The following STON2 variants were observed in gnomAD, a reference collection of about 807,000 sequenced individuals.
STON2 encodes stonin 2, also known as stonin-2.
STON2 carries 29 observed loss-of-function variants against 65.7 expected under a neutral mutation model. The ratio of observed to expected loss-of-function variants is 0.44; its 90% confidence interval spans 0.33 to 0.60. The LOEUF (loss-of-function observed/expected upper bound fraction) is 0.60. Ranked by LOEUF, STON2 falls within the 20% of genes least tolerant of loss-of-function variation. The pLI is 0.03. For missense variants in STON2, 1,054 were observed against 1,118.1 expected (o/e 0.94, Z 0.82); for synonymous variants, 404 against 414.2 (o/e 0.98, Z 0.30).
chr14:81,302,889 A>C (rs1412998285), intron 5 of STON2, among the ~76,000 whole-genome samples: 1 of 152,238 alleles, frequency 6.6e-6, no homozygotes, highest in Non-Finnish European at 1.5e-5. Context: ...CCGTACACAG[A>C]ATGAACACTT....
At chr14:81,346,459 A>G (rs1179346182) in intron 4 of STON2, among the ~76,000 whole-genome samples, 1 of 152,218 alleles carries the variant, frequency 6.6e-6, no homozygotes, top group Non-Finnish European at 1.5e-5. Flanking sequence ...CTTGGACATT[A>G]GGACACAGGC....
intron 2 of STON2, among the ~76,000 whole-genome samples, chr14:81,408,173 ACATT>A (rs1256865774): frequency 1.3e-5 from 2 of 150,580 alleles, no homozygotes; most frequent in African/African-American, 5.0e-5. Context: ...ACACACACAC[ACATT>A]AATTAATAGG....
At chr14:81,291,984 A>T (rs1277777483) in intron 5 of STON2, among the ~76,000 whole-genome samples, 3 of 152,076 alleles carry the variant, frequency 2.0e-5, no homozygotes, top group African/African-American at 7.2e-5. Flanking sequence ...CCAAAGGGAA[A>T]GGTATTTTGG....
chr14:81,304,181 C>G (rs1896079639), intron 5 of STON2, among the ~76,000 whole-genome samples: 1 of 152,116 alleles, frequency 6.6e-6, no homozygotes, highest in Admixed American at 6.5e-5. Flanking sequence ...CTCCTTGAGA[C>G]CAGGGTTTTG....
At chr14:81,347,383 T>C (rs1027605588) in intron 4 of STON2, among the ~76,000 whole-genome samples, 7 of 151,848 alleles carry the variant, frequency 4.6e-5, no homozygotes, top group African/African-American at 1.4e-4. Flanking sequence ...AAGGAAGAAA[T>C]AGAAAATCTG....
chr14:81,302,090 A>G (rs972882867), intron 5 of STON2, among the ~76,000 whole-genome samples: 8 of 152,174 alleles, frequency 5.3e-5, no homozygotes, highest in African/African-American at 1.4e-4. Context: ...GAGGACACAA[A>G]AACATCAGGA....
In STON2 at chr14:81,265,602, G is replaced by A. The variant is rs993476233; in HGVS notation, c.*2812C>T. 6 of 399,936 alleles carry A rather than the reference G, an allele frequency of 1.5e-5. No individual in the cohort carries two copies. Among genetic ancestry groups the A allele is most frequent in the Admixed American group, 6.5e-5 (1 of 15,378 alleles). 24.8% of individuals were successfully genotyped at this position (399,936 alleles called of 1,614,324 possible). ...AGAGGTTGCAATGAGCCGAGATCAC[G>A]CCATTGCACTCCAGCCTGGGCGACA... On this transcript the variant is annotated 3_prime_UTR_variant, in exon 8 of 8. Transcript: ENST00000614646.
chr14:81,342,255 C>T (rs142249017), intron 4 of STON2, among the ~76,000 whole-genome samples: 3,476 of 151,902 alleles, frequency 0.023, 144 homozygotes, highest in African/African-American at 0.079. Flanking sequence ...CTGCCTTAGC[C>T]TCCTGAGTAG....
rs1223314341 is a variant in STON2 at position 81,270,720 on chromosome 14, T to C, written c.2734A>G (p.Lys912Glu). 1 of 1,614,192 alleles carries C rather than the reference T, an allele frequency of 6.2e-7. No individual in the cohort carries two copies. Among genetic ancestry groups the C allele is most frequent in the Non-Finnish European group, 8.5e-7 (1 of 1,180,030 alleles). The change falls in exon 7 of 8, where the codon AAG becomes GAG. Residue 912 changes from lysine (K) to glutamate (E), a missense_variant. Transcript: ENST00000614646. ...ASVRSISVED[K>E]TDVRKWVNYS... ...TTGACCCACTTCCTGACGTCAGTCT[T>C]GTCTTCTACAGAGATAGATCTCACG...
chr14:81,353,461 C>T (rs1400808041), intron 4 of STON2, among the ~76,000 whole-genome samples: 1 of 152,148 alleles, frequency 6.6e-6, no homozygotes, highest in Non-Finnish European at 1.5e-5. Flanking sequence ...GACAGGAACA[C>T]CTAAGTGAAA....
chr14:81,418,874 A>G (rs910113674), intron 2 of STON2, among the ~76,000 whole-genome samples: 9 of 152,252 alleles, frequency 5.9e-5, no homozygotes, highest in Non-Finnish European at 1.2e-4. Context: ...CACATTTCCA[A>G]TAAAACAAAA....
intron 3 of STON2, among the ~76,000 whole-genome samples, chr14:81,388,563 C>G (rs554449225): frequency 6.6e-6 from 1 of 152,262 alleles, no homozygotes; most frequent in East Asian, 1.9e-4. Context: ...AAATAAGAGA[C>G]GTACCATTAA....
intron 4 of STON2, among the ~76,000 whole-genome samples, chr14:81,360,744 T>A (rs1217205863): frequency 6.6e-6 from 1 of 152,140 alleles, no homozygotes; most frequent in Non-Finnish European, 1.5e-5. Flanking sequence ...CACTGTTTGT[T>A]GATAACATAA....
At chr14:81,364,546 C>T (rs1026985584) in intron 4 of STON2, among the ~76,000 whole-genome samples, 1 of 152,082 alleles carries the variant, frequency 6.6e-6, no homozygotes, top group South Asian at 2.1e-4. Context: ...TTTCTGTACA[C>T]CACGATCTGA....
At chr14:81,310,717 A>T (rs1896391305) in intron 5 of STON2, among the ~76,000 whole-genome samples, 1 of 152,158 alleles carries the variant, frequency 6.6e-6, no homozygotes, top group Admixed American at 6.5e-5. Flanking sequence ...CATTGCACTG[A>T]CATCTCTTTC....
At chr14:81,405,448 T>G (rs1035372366) in intron 2 of STON2, among the ~76,000 whole-genome samples, 2 of 148,506 alleles carry the variant, frequency 1.3e-5, no homozygotes, top group African/African-American at 2.6e-5. Context: ...CCATTTGGGA[T>G]TAGTTACTAT....
chr14:81,274,887 A>G (rs1028714034), intron 6 of STON2, among the ~76,000 whole-genome samples: 1 of 152,094 alleles, frequency 6.6e-6, no homozygotes, highest in Non-Finnish European at 1.5e-5. Context: ...CCTGGGCAAC[A>G]CAGCGAGACT....
intron 2 of STON2, among the ~76,000 whole-genome samples, chr14:81,424,755 T>C (rs1361575067): frequency 2.0e-5 from 3 of 152,186 alleles, no homozygotes; most frequent in African/African-American, 7.2e-5. Context: ...TTTTTCCAAG[T>C]TGATAGAAAT....
chr14:81,407,966 A>G (rs959830055), intron 2 of STON2, among the ~76,000 whole-genome samples: 3 of 152,212 alleles, frequency 2.0e-5, no homozygotes, highest in Non-Finnish European at 2.9e-5. Context: ...TGCTTGTTTC[A>G]TAAGTTGCTA....
Sources: gnomAD v4.1 joint callset for allele counts (sites outside exome capture counted in the v4.1 genomes callset) on GRCh38, gnomAD v4.1.1 for gene constraint, MANE v1.5 for transcripts, NCBI Gene and HGNC (gene_info 2026-07-23, HGNC 2026-07-21) for gene names.